EHMT1: variants seen among roughly 807,000 people sequenced by gnomAD.
EHMT1 encodes the protein histone-lysine N-methyltransferase EHMT1.
Under a neutral mutation model 147.2 loss-of-function variants are expected in EHMT1, and 15 were observed. That is an observed-to-expected ratio of 0.10 (90% CI 0.07 to 0.16). The LOEUF (loss-of-function observed/expected upper bound fraction) is 0.16. Ranked by LOEUF, EHMT1 falls within the 10% of genes least tolerant of loss-of-function variation. The probability of loss-of-function intolerance (pLI) is 1.00; values close to 1 mark genes in which losing one functional copy is unlikely to be tolerated. For missense variants in EHMT1, 1,587 were observed against 1,772.4 expected, an observed-to-expected ratio of 0.90 and a Z score of 1.88; for synonymous variants, 795 against 709.6, an observed-to-expected ratio of 1.12 and a Z score of -1.91.
At chr9:137,788,137 G>A in intron 15 of EHMT1, 1 of 1,114,956 alleles carries the variant, frequency 9.0e-7, no homozygotes, top group Non-Finnish European at 1.2e-6. Flanking sequence ...GAGGGCAGGG[G>A]TGGGGTGGTC....
rs113796824 is a variant in EHMT1, at chr9:137,625,002, C to T, written c.21+5953C>T. 7.9e-5 allele frequency among the ~76,000 whole-genome samples: 12 copies of T among 152,224 alleles called. No homozygotes were observed. The South Asian group carries it at 1.0e-3, about 13-fold the overall frequency. On this transcript the variant is annotated intron_variant, in intron 1 of 26. Coordinates refer to ENST00000460843, the MANE Select transcript of EHMT1 (RefSeq NM_024757.5). Reference sequence around the variant, plus strand: ...GTTCAAGTGATTCTCTTGTCTCAGCCTCCCAAGTAGCTGGGATTACAGGCT... The same window carrying T: ...GTTCAAGTGATTCTCTTGTCTCAGCTTCCCAAGTAGCTGGGATTACAGGCT...
rs1009627078 is a variant in EHMT1, at chr9:137,748,633, T to C, written c.1171-3698T>C. ...CTGCTGTGCCGGCCACACTCGGTGC[T>C]GCCACTCCAACGAGCAGATAGTGGC... On this transcript the variant is annotated intron_variant, in intron 6 of 26. Coordinates refer to ENST00000460843, the MANE Select transcript of EHMT1 (RefSeq NM_024757.5). Among the ~76,000 whole-genome samples, 3 of 152,378 alleles carry C rather than the reference T, an allele frequency of 2.0e-5. No individual in the cohort carries two copies. The South Asian group carries it at 6.2e-4, about 32-fold the overall frequency.
intron 1 of EHMT1, among the ~76,000 whole-genome samples, chr9:137,664,503 G>C (rs567908481): frequency 3.4e-4 from 51 of 151,928 alleles, no homozygotes; most frequent in African/African-American, 1.1e-3. Context: ...CAGGCGATCT[G>C]CCCCCTTGGC....
intron 1 of EHMT1, among the ~76,000 whole-genome samples, chr9:137,678,785 G>A (rs1374461446): frequency 2.0e-5 from 3 of 150,478 alleles, no homozygotes; most frequent in Non-Finnish European, 4.4e-5. Context: ...ATCTGACGAG[G>A]GAGACGGCTG....
intron 3 of EHMT1, among the ~76,000 whole-genome samples, chr9:137,721,275 CCCT>C (rs1945966749): frequency 9.0e-5 from 8 of 89,384 alleles, no homozygotes; most frequent in Non-Finnish European, 1.6e-4. Context: ...TCACACTCAC[CCCT>C]CCCAGACTTC....
At chr9:137,756,635 CA>C (rs1456158942) in intron 8 of EHMT1, among the ~76,000 whole-genome samples, 1 of 152,178 alleles carries the variant, frequency 6.6e-6, no homozygotes, top group Non-Finnish European at 1.5e-5. Flanking sequence ...CAGATCATAA[CA>C]CCAGATGTGG....
chr9:137,771,801 G>A (rs909732580), intron 10 of EHMT1, among the ~76,000 whole-genome samples: 3 of 152,160 alleles, frequency 2.0e-5, no homozygotes, highest in Non-Finnish European at 4.4e-5. Context: ...GAAGGGAGGG[G>A]CCCCATCGGC....
At position 137,731,617 on chromosome 9, in the gene EHMT1, AGT is replaced by A. The variant is rs1372243177; in HGVS notation, c.823+3091_823+3092del. 6.6e-6 allele frequency among the ~76,000 whole-genome samples: 1 copy of A among 152,094 alleles called. No homozygotes were observed. Among genetic ancestry groups the A allele is most frequent in the Non-Finnish European group, 1.5e-5 (1 of 68,018 alleles). ...TATCCTGTTGTCACAGGATCCCTTG[AGT>A]GTCCCTTTGCTGGTCATAAACCTCT... On this transcript the variant is annotated intron_variant, in intron 4 of 26. Transcript: ENST00000460843. This position sits in a 1 kb window ranked among gnomAD's most constrained non-coding sequence, Gnocchi z 4.3.
chr9:137,829,076 T>G (rs1956021621), intron 25 of EHMT1, among the ~76,000 whole-genome samples: 1 of 152,214 alleles, frequency 6.6e-6, no homozygotes, highest in Non-Finnish European at 1.5e-5. Flanking sequence ...GCCCCCGCCC[T>G]GGTCTCACAG....
rs1172239495 is a variant in EHMT1, at chr9:137,762,777, T to G, written c.1604T>G (p.Leu535Arg). The G allele has an allele frequency of 6.2e-7, 1 of 1,614,098 alleles. No individual in the cohort carries two copies. The highest frequency in any genetic ancestry group is 2.2e-5 in the East Asian group (1 of 44,904). The change falls in exon 10 of 27, where the codon CTG (leucine) becomes CGG (arginine). Residue 535 changes from leucine (L) to arginine (R), a missense_variant. Physicochemically the swap from Leu to Arg is moderately radical, Grantham distance 102 (BLOSUM62 -2). Around this residue, in one of 7 missense-constraint regions of EHMT1, gnomAD observed 124 missense variants for 197.8 expected, o/e 0.63. Transcript: ENST00000460843. ...CCGAAGAGTCGAGAGATCACCACAC[T>G]GGCCAACAACCAGTGCATGGCTACA... is the stretch of plus-strand genomic sequence containing the variant. ...ETPKSREITT[L>R]ANNQCMATES...
intron 6 of EHMT1, among the ~76,000 whole-genome samples, chr9:137,751,575 C>T (rs570034628): frequency 3.9e-5 from 6 of 152,262 alleles, no homozygotes; most frequent in Non-Finnish European, 7.4e-5. Flanking sequence ...ACAGGGTGGA[C>T]GGAGACTCAC....
chr9:137,813,028 G>C lies in EHMT1; in HGVS notation c.2890G>C (p.Asp964His). ...CVVLFLSRDSDVTLKNKEGET... is the reference protein window; with the variant it reads ...CVVLFLSRDSHVTLKNKEGET... ...TAGCCTCTTTCTTTCTCGGGATTCAGATGTCACCTTAAAGAACAAGGAAGG... is the reference window on the plus strand; with the variant it reads ...TAGCCTCTTTCTTTCTCGGGATTCACATGTCACCTTAAAGAACAAGGAAGG... Residue 964 changes from aspartate to histidine, a missense_variant, in exon 20 of 27, where the codon GAT becomes CAT. Physicochemically the swap from Asp to His is moderately conservative, Grantham distance 81. Transcript: ENST00000460843. This position sits in a 1 kb window ranked among gnomAD's most constrained non-coding sequence, Gnocchi z 4.9. The C allele has an allele frequency of 6.2e-7, 1 of 1,614,030 alleles. No individual in the cohort carries two copies. Among genetic ancestry groups the C allele is most frequent in the Non-Finnish European group, 8.5e-7 (1 of 1,180,030 alleles).
At chr9:137,743,124 T>G in intron 4 of EHMT1, 6 of 466,452 alleles carry the variant, frequency 1.3e-5, no homozygotes, top group East Asian at 4.2e-5. Flanking sequence ...GTTTGCTCCG[T>G]GTTTTGTTGT....
chr9:137,660,114 C>T (rs556490531), intron 1 of EHMT1, among the ~76,000 whole-genome samples: 34 of 151,938 alleles, frequency 2.2e-4, no homozygotes, highest in Admixed American at 1.8e-3. Flanking sequence ...GCAGGAGAAT[C>T]GCTTGAGCTC....
chr9:137,756,771 G>T (rs1465800859), intron 8 of EHMT1, among the ~76,000 whole-genome samples: 2 of 152,196 alleles, frequency 1.3e-5, no homozygotes, highest in Non-Finnish European at 2.9e-5. Flanking sequence ...ATTCACAGAG[G>T]AGTTTGAATT....
At chr9:137,622,733 G>A (rs1015838771) in intron 1 of EHMT1, among the ~76,000 whole-genome samples, 1 of 152,046 alleles carries the variant, frequency 6.6e-6, no homozygotes, top group African/African-American at 2.4e-5. Flanking sequence ...GTGAGACCTT[G>A]TCTCTACTAG....
chr9:137,638,663 G>C (rs766843086), intron 1 of EHMT1, among the ~76,000 whole-genome samples: 2 of 152,102 alleles, frequency 1.3e-5, no homozygotes, highest in Admixed American at 6.5e-5. Flanking sequence ...TTTGGAAATA[G>C]GGTCATTGCA....
chr9:137,716,716 A>G lies in EHMT1; in HGVS notation c.176A>G (p.Glu59Gly), dbSNP rs1422691901. The G allele has an allele frequency of 1.9e-6, 3 of 1,611,854 alleles. No individual in the cohort carries two copies. Among genetic ancestry groups the G allele is most frequent in the Admixed American group, 3.3e-5 (2 of 59,950 alleles). ...GACGGTGAGACCAATGGGTCTTGTG[A>G]AAACAGCGATGCCAGCAGTCATGCA... is the stretch of plus-strand genomic sequence containing the variant. ...AADGETNGSCENSDASSHANA... is the reference protein window; with the variant it reads ...AADGETNGSCGNSDASSHANA... Residue 59 changes from glutamate (E) to glycine (G), a missense_variant, in exon 3 of 27, where the codon GAA becomes GGA. This residue lies in a region of EHMT1 where 810 missense variants were observed against 673.0 expected (regional missense o/e 1.20). Transcript: ENST00000460843.
intron 15 of EHMT1, chr9:137,784,024 C>T (rs928638101): frequency 5.6e-5 from 36 of 648,116 alleles, no homozygotes; most frequent in Middle Eastern, 3.3e-4. Flanking sequence ...TAATTTCTAG[C>T]TGTCTTAGTC....
Sources: allele counts gnomAD v4.1 joint callset (sites outside exome capture counted in the v4.1 genomes callset), GRCh38; gene constraint gnomAD v4.1.1; regional missense constraint gnomAD v4.1.1; non-coding constraint Gnocchi (gnomAD v3.1); transcripts MANE v1.5; gene names NCBI Gene and HGNC (gene_info 2026-07-23, HGNC 2026-07-21).